Variants in ACYP2 observed in about 807,000 individuals in gnomAD.
ACYP2 encodes acylphosphatase-2.
ACYP2 carries 12 observed loss-of-function variants against 11.2 expected under a neutral mutation model. That is an observed-to-expected ratio of 1.08 (90% CI 0.69 to 1.74). The LOEUF is 1.74. Ranked by LOEUF, ACYP2 falls within the 40% of genes most tolerant of loss-of-function variation. The pLI is 0.00. For missense variants in ACYP2, 134 were observed against 101.9 expected (o/e 1.31, Z -1.35); for synonymous variants, 43 against 32.2 (o/e 1.33, Z -1.13).
At chr2:54,150,736 T>A (rs1682119081) in intron 6 of ACYP2, among the ~76,000 whole-genome samples, 1 of 97,886 alleles carries the variant, frequency 1.0e-5, no homozygotes, top group Non-Finnish European at 2.1e-5. Flanking sequence ...TCTGCGTTTC[T>A]TTCTTTTTTT....
At chr2:54,161,961 A>G (rs2103830668) in intron 6 of ACYP2, among the ~76,000 whole-genome samples, 1 of 152,260 alleles carries the variant, frequency 6.6e-6, no homozygotes, top group South Asian at 2.1e-4. Context: ...TTTTTTAAAA[A>G]CATTAAAAAT....
At chr2:54,067,457 A>G (rs1196265833) in intron 4 of ACYP2, among the ~76,000 whole-genome samples, 1 of 152,232 alleles carries the variant, frequency 6.6e-6, no homozygotes, top group Non-Finnish European at 1.5e-5. Context: ...AACACCATTT[A>G]TGGAAAAAAA....
intron 4 of ACYP2, among the ~76,000 whole-genome samples, chr2:54,120,836 G>A (rs1680108429): frequency 6.6e-6 from 1 of 152,200 alleles, no homozygotes; most frequent in Admixed American, 6.5e-5. Context: ...ACTTGGAGAT[G>A]CCAGCAACCA....
At chr2:54,035,115 T>C (rs1674818282) in intron 2 of ACYP2, among the ~76,000 whole-genome samples, 1 of 151,210 alleles carries the variant, frequency 6.6e-6, no homozygotes, top group Non-Finnish European at 1.5e-5. Flanking sequence ...GCAAAATCAC[T>C]TAACTTCTCT....
intron 2 of ACYP2, among the ~76,000 whole-genome samples, chr2:54,015,449 G>T (rs1031079324): frequency 6.6e-6 from 1 of 151,864 alleles, no homozygotes; most frequent in African/African-American, 2.4e-5. Flanking sequence ...CAGAGGTTGC[G>T]GTGAGTCGAG....
At chr2:54,168,639 A>G (rs548841972) in intron 6 of ACYP2, among the ~76,000 whole-genome samples, 1 of 152,246 alleles carries the variant, frequency 6.6e-6, no homozygotes, top group South Asian at 2.1e-4. Context: ...TTATTGTTAT[A>G]TATCAGCTGA....
chr2:54,022,962 C>G (rs1674082421), intron 2 of ACYP2, among the ~76,000 whole-genome samples: 1 of 152,204 alleles, frequency 6.6e-6, no homozygotes. Flanking sequence ...ACAGGTTTAA[C>G]TGTTTCTTCA....
At chr2:54,205,105 T>C (rs1685018042) in intron 6 of ACYP2, among the ~76,000 whole-genome samples, 1 of 152,238 alleles carries the variant, frequency 6.6e-6, no homozygotes. Context: ...CCATTCTGGT[T>C]TCCCTCCTTT....
intron 2 of ACYP2, among the ~76,000 whole-genome samples, chr2:54,022,594 G>T (rs1674061484): frequency 6.6e-6 from 1 of 152,026 alleles, no homozygotes; most frequent in South Asian, 2.1e-4. Context: ...TGCACAGGGT[G>T]GTCTTGAATT....
chr2:54,281,039 G>T (rs1392102810), intron 6 of ACYP2, among the ~76,000 whole-genome samples: 1 of 152,124 alleles, frequency 6.6e-6, no homozygotes, highest in African/African-American at 2.4e-5. Context: ...CTTATAAATG[G>T]AAATAATAAT....
chr2:54,051,455 CA>C (rs1558495918), intron 3 of ACYP2: 1 of 693,314 alleles, frequency 1.4e-6, no homozygotes. Context: ...AAACGGGTGA[CA>C]AAAAAGAAGT....
intron 6 of ACYP2, among the ~76,000 whole-genome samples, chr2:54,246,319 C>G (rs918547811): frequency 1.8e-4 from 27 of 152,184 alleles, no homozygotes; most frequent in African/African-American, 5.1e-4. Flanking sequence ...TAATTAATTG[C>G]TAAATTAGCT....
intron 5 of ACYP2, among the ~76,000 whole-genome samples, chr2:54,135,887 C>G (rs980929735): frequency 6.6e-6 from 1 of 152,086 alleles, no homozygotes; most frequent in Non-Finnish European, 1.5e-5. Flanking sequence ...AGCGCCACGT[C>G]GTGTTTTAAA....
At chr2:54,181,905 A>AC (rs1412731596) in intron 6 of ACYP2, among the ~76,000 whole-genome samples, 8 of 152,134 alleles carry the variant, frequency 5.3e-5, no homozygotes, top group Middle Eastern at 3.2e-3. Flanking sequence ...AACATTTAAA[A>AC]AGGTTCATAA....
At chr2:54,196,000 G>C (rs1365095393) in intron 6 of ACYP2, among the ~76,000 whole-genome samples, 1 of 151,876 alleles carries the variant, frequency 6.6e-6, no homozygotes, top group Non-Finnish European at 1.5e-5. Context: ...GTTTCAACAT[G>C]TTGGTCAGGC....
chr2:54,160,265 C>T (rs180953974), intron 6 of ACYP2, among the ~76,000 whole-genome samples: 1 of 152,292 alleles, frequency 6.6e-6, no homozygotes, highest in East Asian at 1.9e-4. Context: ...CACCCACACT[C>T]AAGGCTGGGG....
At chr2:53,991,743 T>G (rs775064919) in intron 2 of ACYP2, among the ~76,000 whole-genome samples, 1 of 152,098 alleles carries the variant, frequency 6.6e-6, no homozygotes, top group Non-Finnish European at 1.5e-5. Flanking sequence ...TCATTCACCC[T>G]GCTCCAGGCA....
chr2:54,167,075 G>A (rs911988975), intron 6 of ACYP2: 5 of 151,212 alleles, frequency 3.3e-5, no homozygotes, highest in Non-Finnish European at 5.9e-5. Context: ...GTAATCCATA[G>A]GACCCTTCCT....
chr2:53,980,059 A>G (rs1325966943), intron 2 of ACYP2, among the ~76,000 whole-genome samples: 1 of 152,092 alleles, frequency 6.6e-6, no homozygotes, highest in African/African-American at 2.4e-5. Context: ...TTAAAAGTTC[A>G]TAGCTGGGCA....
Sources: allele counts gnomAD v4.1 joint callset (sites outside exome capture counted in the v4.1 genomes callset), GRCh38; gene constraint gnomAD v4.1.1; transcripts MANE v1.5; gene names NCBI Gene and HGNC (gene_info 2026-07-23, HGNC 2026-07-21).